RPS6KA5: variants seen among roughly 807,000 people sequenced by gnomAD.
RPS6KA5 encodes ribosomal protein S6 kinase A5.
Under a neutral mutation model 85.5 loss-of-function variants are expected in RPS6KA5, and 27 were observed. That is an observed-to-expected ratio of 0.32 (90% CI 0.23 to 0.44). The LOEUF (loss-of-function observed/expected upper bound fraction) is 0.44. Ranked by LOEUF, RPS6KA5 falls within the 20% of genes least tolerant of loss-of-function variation. The pLI, the probability that RPS6KA5 is intolerant of heterozygous loss-of-function variation, is 1.00. For synonymous variants in RPS6KA5, 334 were observed against 348.2 expected (o/e 0.96, Z 0.46); for missense variants, 811 against 980.9 (o/e 0.83, Z 2.31).
At chr14:90,942,471 T>C (rs1484945169) in intron 5 of RPS6KA5, among the ~76,000 whole-genome samples, 2 of 152,250 alleles carry the variant, frequency 1.3e-5, no homozygotes, top group African/African-American at 4.8e-5. Context: ...TTACAACTAA[T>C]AGATGTACAA....
At position 90,984,114 on chromosome 14, in the gene RPS6KA5, G is replaced by A. The variant is rs372615703; in HGVS notation, c.176-5590C>T. ...ACCCGCCTTGGCTTCCCAAAGTGCT[G>A]GGATTACAGGCGTGAGCCACCACAC... On this transcript the variant is annotated intron_variant, in intron 2 of 16. Coordinates refer to ENST00000614987, the MANE Select transcript of RPS6KA5 (RefSeq NM_004755.4). Among the ~76,000 whole-genome samples the A allele has an allele frequency of 2.0e-5, 3 of 152,292 alleles. No individual in the cohort carries two copies. In the South Asian group the frequency reaches 6.2e-4, roughly 32 times the overall value.
intron 7 of RPS6KA5, 100 bp downstream of exon 7, chr14:90,920,106 C>T: frequency 1.2e-6 from 1 of 808,208 alleles, no homozygotes; most frequent in African/African-American, 1.7e-5. Context: ...CTTTGTCTAT[C>T]CTCATTTTAA....
Position 90,848,752 on chromosome 14 carries a change from G to A in RPS6KA5, c.*23322C>T, listed in dbSNP as rs1402608122. ...GTTTGCCCCAGAAGGGCTTTTTAAAGAGGCTAAAGACATTCTAATTGCCAT... is the reference window on the plus strand; with the variant it reads ...GTTTGCCCCAGAAGGGCTTTTTAAAAAGGCTAAAGACATTCTAATTGCCAT... On this transcript the variant is annotated 3_prime_UTR_variant, in exon 17 of 17. Coordinates refer to ENST00000614987, the MANE Select transcript of RPS6KA5 (RefSeq NM_004755.4). 6.6e-6 allele frequency: 1 copy of A among 152,130 alleles called. No homozygotes were observed. The allele number at this position is 152,130 out of a possible 1,614,324, so 9.4% of individuals were successfully genotyped here. A position where few individuals can be genotyped will look rare whatever the true frequency, so the allele number is the denominator to read the frequency against.
At chr14:91,008,104 G>A (rs1286146) in intron 1 of RPS6KA5, among the ~76,000 whole-genome samples, 116,157 of 152,164 alleles carry the variant, frequency 0.76, 44,651 homozygotes, top group East Asian at 0.97. Context: ...GAAAATGATC[G>A]GTAAAAATGC....
intron 5 of RPS6KA5, among the ~76,000 whole-genome samples, chr14:90,941,519 C>G (rs1371237351): frequency 6.6e-6 from 1 of 152,158 alleles, no homozygotes; most frequent in Non-Finnish European, 1.5e-5. Context: ...TAGCTGTGCC[C>G]ATTGTCCCTG....
intron 3 of RPS6KA5, among the ~76,000 whole-genome samples, chr14:90,948,979 G>C (rs1237435742): frequency 2.0e-5 from 3 of 152,144 alleles, no homozygotes; most frequent in Non-Finnish European, 4.4e-5. Context: ...CAGAATTAAA[G>C]AACTCTAATA....
chr14:91,040,397 A>C (rs1021839064), intron 1 of RPS6KA5, among the ~76,000 whole-genome samples: 2 of 152,204 alleles, frequency 1.3e-5, no homozygotes, highest in African/African-American at 4.8e-5. Context: ...AACAAGAGCG[A>C]AAGTCCGCCT....
intron 2 of RPS6KA5, among the ~76,000 whole-genome samples, chr14:90,996,386 T>C (rs1022987698): frequency 1.3e-5 from 2 of 152,294 alleles, no homozygotes; most frequent in African/African-American, 2.4e-5. Context: ...CTCATGGTTC[T>C]TGTTATGTAC....
chr14:90,967,745 A>G (rs2039140393), intron 3 of RPS6KA5, among the ~76,000 whole-genome samples: 1 of 152,190 alleles, frequency 6.6e-6, no homozygotes, highest in Non-Finnish European at 1.5e-5. Flanking sequence ...TGGTATTTGG[A>G]ATGCCAGATG....
intron 3 of RPS6KA5, among the ~76,000 whole-genome samples, chr14:90,950,093 A>C (rs1284805922): frequency 6.6e-6 from 1 of 152,152 alleles, no homozygotes; most frequent in Non-Finnish European, 1.5e-5. Context: ...CCATTTATTT[A>C]GGTCTTCTTT....
intron 1 of RPS6KA5, among the ~76,000 whole-genome samples, chr14:91,020,689 T>C (rs1185683763): frequency 2.0e-5 from 3 of 151,492 alleles, no homozygotes; most frequent in Non-Finnish European, 2.9e-5. Context: ...CTATTGGTCC[T>C]GGTCTCTGGA....
intron 1 of RPS6KA5, among the ~76,000 whole-genome samples, chr14:91,044,479 G>T (rs978266239): frequency 2.0e-5 from 3 of 152,082 alleles, no homozygotes; most frequent in Non-Finnish European, 4.4e-5. Flanking sequence ...CTAATTACAT[G>T]AGTCCCTTTA....
chr14:90,900,679 G>A lies in RPS6KA5; in HGVS notation c.1177C>T (p.Pro393Ser), dbSNP rs747906939. 2 of 1,613,672 alleles carry A rather than the reference G, an allele frequency of 1.2e-6. No homozygotes were observed. The highest frequency in any genetic ancestry group is 4.5e-5 in the East Asian group (2 of 44,840). ...TCAACTCCCATGTGAAACTGAAGAG[G>A]GTCTATGACAGCTGCATTACGCTTG... ...LFKRNAAVID[P>S]LQFHMGVERP... Residue 393 changes from proline to serine, a missense_variant, in exon 10 of 17, where the codon CCT becomes TCT. Physicochemically the swap from Pro to Ser is moderately conservative, Grantham distance 74. Around this residue, in one of 3 missense-constraint regions of RPS6KA5, gnomAD observed 650 missense variants for 793.4 expected, o/e 0.82. Transcript: ENST00000614987.
intron 2 of RPS6KA5, among the ~76,000 whole-genome samples, chr14:90,995,383 A>G (rs1375394900): frequency 6.6e-6 from 1 of 152,186 alleles, no homozygotes; most frequent in Non-Finnish European, 1.5e-5. Flanking sequence ...GAAGGCTTTT[A>G]CTGCTTATTT....
chr14:91,035,977 C>A (rs1228994789), intron 1 of RPS6KA5, among the ~76,000 whole-genome samples: 1 of 114,646 alleles, frequency 8.7e-6, no homozygotes, highest in Non-Finnish European at 1.8e-5. Context: ...AATCCTGAAG[C>A]AGAAATACAA....
intron 9 of RPS6KA5, among the ~76,000 whole-genome samples, chr14:90,901,017 A>G (rs1410853835): frequency 6.6e-6 from 1 of 152,230 alleles, no homozygotes. Context: ...AATCAGACTC[A>G]TAGATGAAAT....
chr14:91,040,598 G>A (rs1789740626), intron 1 of RPS6KA5, among the ~76,000 whole-genome samples: 1 of 152,032 alleles, frequency 6.6e-6, no homozygotes, highest in Non-Finnish European at 1.5e-5. Context: ...CTGAAAATAG[G>A]GCCTGGATAC....
chr14:90,902,225 C>T (rs1466880806), intron 9 of RPS6KA5, among the ~76,000 whole-genome samples: 2 of 151,634 alleles, frequency 1.3e-5, no homozygotes, highest in Non-Finnish European at 2.9e-5. Context: ...TGGCTCATGC[C>T]TGTAATGCCA....
intron 3 of RPS6KA5, among the ~76,000 whole-genome samples, chr14:90,966,486 C>A (rs1231435605): frequency 6.6e-6 from 1 of 152,136 alleles, no homozygotes; most frequent in Non-Finnish European, 1.5e-5. Flanking sequence ...TTCCTAAAGA[C>A]ATAAAAAATA....
Sources: gnomAD v4.1 joint callset for allele counts (sites outside exome capture counted in the v4.1 genomes callset) on GRCh38, gnomAD v4.1.1 for gene constraint, gnomAD v4.1.1 regional missense constraint, MANE v1.5 for transcripts, NCBI Gene and HGNC (gene_info 2026-07-23, HGNC 2026-07-21) for gene names.